The following DOK6 variants were observed in gnomAD, a reference collection of about 807,000 sequenced individuals.
DOK6 encodes the protein docking protein 6, also known as downstream of tyrosine kinase 6.
DOK6 carries 22 observed loss-of-function variants against 44.0 expected under a neutral mutation model. That is an observed-to-expected ratio of 0.50 (90% confidence interval 0.36 to 0.71). The LOEUF (loss-of-function observed/expected upper bound fraction) is 0.71, where lower values mean the gene tolerates loss of function less well. Ranked by LOEUF, DOK6 falls within the 30% of genes least tolerant of loss-of-function variation. The pLI, the probability that DOK6 is intolerant of heterozygous loss-of-function variation, is 0.00. For synonymous variants in DOK6, 166 were observed against 145.5 expected, an observed-to-expected ratio of 1.14 and a Z score of -1.01; for missense variants, 340 against 416.4, an observed-to-expected ratio of 0.82 and a Z score of 1.60.
rs1568293458 is a variant in DOK6 at position 69,549,101 on chromosome 18, A to G, written c.67-15386A>G. ...AAAGAGTGAGACTCCGTCTCAAAAA[A>G]AAAAAAACAACAACAAAAAATTTCT... On this transcript the variant is annotated intron_variant, in intron 1 of 7. Coordinates refer to ENST00000382713, the MANE Select transcript of DOK6 (RefSeq NM_152721.6). Among the ~76,000 whole-genome samples the G allele has an allele frequency of 2.0e-5, 3 of 150,744 alleles. 1 individual carries two copies. The highest frequency in any genetic ancestry group is 4.4e-5 in the Non-Finnish European group (3 of 67,452).
At chr18:69,704,293 T>C (rs1382178781) in intron 5 of DOK6, among the ~76,000 whole-genome samples, 1 of 152,112 alleles carries the variant, frequency 6.6e-6, no homozygotes, top group Admixed American at 6.6e-5. Context: ...GGAAAGTATA[T>C]TGTCTCTGCC....
chr18:69,800,689 G>A (rs1980878612), intron 7 of DOK6, among the ~76,000 whole-genome samples: 1 of 152,056 alleles, frequency 6.6e-6, no homozygotes, highest in Non-Finnish European at 1.5e-5. Flanking sequence ...TTTTTACAGT[G>A]GTTCATATCA....
chr18:69,525,330 A>T (rs890179213), intron 1 of DOK6, among the ~76,000 whole-genome samples: 2 of 151,864 alleles, frequency 1.3e-5, no homozygotes, highest in African/African-American at 4.8e-5. Context: ...TTATATTTTA[A>T]AATTTTAATC....
chr18:69,709,905 C>T (rs1325871184), intron 5 of DOK6, among the ~76,000 whole-genome samples: 1 of 152,112 alleles, frequency 6.6e-6, no homozygotes, highest in African/African-American at 2.4e-5. Context: ...GGCTAGGCAC[C>T]ACTGCTCAAG....
intron 5 of DOK6, among the ~76,000 whole-genome samples, chr18:69,733,695 A>AT (rs1357665003): frequency 6.6e-6 from 1 of 151,774 alleles, no homozygotes; most frequent in Non-Finnish European, 1.5e-5. Context: ...TGCTCTACAT[A>AT]TTACTTTCAC....
intron 1 of DOK6, among the ~76,000 whole-genome samples, chr18:69,425,692 G>T (rs1441622781): frequency 6.6e-6 from 1 of 151,608 alleles, no homozygotes; most frequent in African/African-American, 2.4e-5. Context: ...TTTTAAATCA[G>T]AGTATTCTGA....
intron 4 of DOK6, among the ~76,000 whole-genome samples, chr18:69,689,109 G>A (rs534100509): frequency 1.1e-4 from 16 of 152,212 alleles, no homozygotes; most frequent in East Asian, 5.8e-4. Context: ...CATGATGTGC[G>A]GGTATCAGTC....
chr18:69,482,066 G>A (rs1325173765), intron 1 of DOK6, among the ~76,000 whole-genome samples: 1 of 152,056 alleles, frequency 6.6e-6, no homozygotes, highest in African/African-American at 2.4e-5. Context: ...TTTTTGATGG[G>A]GTTGTTTGTT....
At position 69,843,846 on chromosome 18, in the gene DOK6, G is replaced by T. The variant is rs1175716997; in HGVS notation, c.*2463G>T. 6.6e-6 allele frequency: 1 copy of T among 152,122 alleles called. No individual in the cohort carries two copies. Among genetic ancestry groups the T allele is most frequent in the Non-Finnish European group, 1.5e-5 (1 of 68,034 alleles). The allele number at this position is 152,122 out of a possible 1,614,324, so 9.4% of individuals were successfully genotyped here. A position where few individuals can be genotyped will look rare whatever the true frequency, so the allele number is the denominator to read the frequency against. ...GGAGAATGCTATAATCTATCTCATGGTACATTTTTGGAGCTTAATTCTAGC... is the reference window on the plus strand; with the variant it reads ...GGAGAATGCTATAATCTATCTCATGTTACATTTTTGGAGCTTAATTCTAGC... On this transcript the variant is annotated 3_prime_UTR_variant, in exon 8 of 8. Coordinates refer to ENST00000382713, the MANE Select transcript of DOK6 (RefSeq NM_152721.6).
At chr18:69,735,552 G>A (rs1198108246) in intron 5 of DOK6, among the ~76,000 whole-genome samples, 6 of 152,254 alleles carry the variant, frequency 3.9e-5, no homozygotes, top group Admixed American at 6.5e-5. Flanking sequence ...CAGCAATGAC[G>A]TGTGACAACA....
intron 1 of DOK6, among the ~76,000 whole-genome samples, chr18:69,487,991 G>A (rs1376596140): frequency 6.6e-6 from 1 of 152,168 alleles, no homozygotes; most frequent in Non-Finnish European, 1.5e-5. Flanking sequence ...AAATGCCATG[G>A]ACTGGGCAGC....
chr18:69,579,119 T>C (rs989277405), intron 2 of DOK6, among the ~76,000 whole-genome samples: 13 of 152,196 alleles, frequency 8.5e-5, no homozygotes, highest in African/African-American at 3.1e-4. Flanking sequence ...ATTACTTGTT[T>C]TGATCATAAC....
At chr18:69,828,918 A>AGGAGAG (rs59123814) in intron 7 of DOK6, among the ~76,000 whole-genome samples, 36,831 of 139,304 alleles carry the variant, frequency 0.26, 5,593 homozygotes, top group Non-Finnish European at 0.28. Flanking sequence ...TGTTAGAGAA[A>AGGAGAG]GGAGAGAGTG....
intron 6 of DOK6, among the ~76,000 whole-genome samples, chr18:69,751,103 G>A (rs186874785): frequency 4.6e-5 from 7 of 152,282 alleles, no homozygotes; most frequent in Admixed American, 2.0e-4. Flanking sequence ...AAGGCTAGGG[G>A]CTCGGGGGCA....
At chr18:69,617,588 GAC>G (rs1014974268) in intron 3 of DOK6, among the ~76,000 whole-genome samples, 17 of 105,134 alleles carry the variant, frequency 1.6e-4, no homozygotes, top group African/African-American at 5.1e-4. Flanking sequence ...AAGAGAGAGA[GAC>G]AGAAAAGACT....
At chr18:69,415,321 T>G (rs530576837) in intron 1 of DOK6, among the ~76,000 whole-genome samples, 2 of 152,066 alleles carry the variant, frequency 1.3e-5, no homozygotes, top group African/African-American at 4.8e-5. Context: ...TACTTGTGAA[T>G]TGAGGAAAAT....
In DOK6 at chr18:69,677,716, T is replaced by C; in HGVS notation, c.290-18T>C. The C allele has an allele frequency of 1.9e-6, 3 of 1,612,606 alleles. No individual in the cohort carries two copies. The highest frequency in any genetic ancestry group is 2.5e-6 in the Non-Finnish European group (3 of 1,179,052). On this transcript the variant is annotated intron_variant, in intron 3 of 7. Coordinates refer to ENST00000382713, the MANE Select transcript of DOK6 (RefSeq NM_152721.6). Reference sequence around the variant, plus strand: ...CTAGGGAGCATTGCTTGACTGGTGATGTTGTGGTTACTTTCAGAGCTGGAG... The same window carrying C: ...CTAGGGAGCATTGCTTGACTGGTGACGTTGTGGTTACTTTCAGAGCTGGAG...
At chr18:69,552,846 A>G (rs1982598490) in intron 1 of DOK6, among the ~76,000 whole-genome samples, 1 of 152,272 alleles carries the variant, frequency 6.6e-6, no homozygotes. Context: ...ATGAAAGTGG[A>G]ACTCTTTGAA....
chr18:69,724,171 G>GA (rs956690091), intron 5 of DOK6, among the ~76,000 whole-genome samples: 2 of 151,900 alleles, frequency 1.3e-5, no homozygotes, highest in Admixed American at 6.6e-5. Context: ...TCCCTGAATA[G>GA]AAAAAAATAG....
Sources: gnomAD v4.1 joint callset for allele counts (sites outside exome capture counted in the v4.1 genomes callset) on GRCh38, gnomAD v4.1.1 for gene constraint, MANE v1.5 for transcripts, NCBI Gene and HGNC (gene_info 2026-07-23, HGNC 2026-07-21) for gene names.